The following MEF2B variants were observed in gnomAD, a reference collection of about 807,000 sequenced individuals.
MEF2B encodes the protein myocyte-specific enhancer factor 2B.
Under a neutral mutation model 32.2 loss-of-function variants are expected in MEF2B, and 15 were observed. The observed-to-expected ratio is 0.47, with a 90% CI of 0.31 to 0.72. The LOEUF (loss-of-function observed/expected upper bound fraction) is 0.72. MEF2B is among the 30% of genes least tolerant of loss of function. The pLI, the probability that MEF2B is intolerant of heterozygous loss-of-function variation, is 0.05. For synonymous variants in MEF2B, 205 were observed against 225.6 expected (o/e 0.91, Z 0.82); for missense variants, 441 against 511.5 (o/e 0.86, Z 1.33).
intron 1 of MEF2B, among the ~76,000 whole-genome samples, chr19:19,168,837 C>T (rs1187987820): frequency 6.6e-6 from 1 of 151,182 alleles, no homozygotes; most frequent in Non-Finnish European, 1.5e-5. Flanking sequence ...CTGAGGCAGG[C>T]AGATCACATG....
At chr19:19,154,687 G>A (rs1420882879) in intron 1 of MEF2B, among the ~76,000 whole-genome samples, 8 of 151,910 alleles carry the variant, frequency 5.3e-5, no homozygotes, top group East Asian at 3.9e-4. Context: ...CAAGGGATCC[G>A]CTGGCCTCAG....
At chr19:19,167,003 C>T (rs980661623) in intron 1 of MEF2B, among the ~76,000 whole-genome samples, 2 of 151,734 alleles carry the variant, frequency 1.3e-5, no homozygotes, top group Non-Finnish European at 2.9e-5. Flanking sequence ...CAGGAATTCA[C>T]GACCAGCCTG....
At chr19:19,156,092 G>A (rs1169211903) in intron 1 of MEF2B, among the ~76,000 whole-genome samples, 3 of 152,232 alleles carry the variant, frequency 2.0e-5, no homozygotes, top group African/African-American at 7.2e-5. Context: ...GGAATTTGAA[G>A]CTAAGAGTCC....
chr19:19,158,350 G>C (rs2060133943), intron 1 of MEF2B, among the ~76,000 whole-genome samples: 1 of 72,634 alleles, frequency 1.4e-5, no homozygotes, highest in African/African-American at 5.2e-5. Context: ...AGGGGCCAAA[G>C]TGCTGGGATT....
chr19:19,148,453 A>C (rs79450886), intron 3 of MEF2B, among the ~76,000 whole-genome samples: 8,224 of 152,252 alleles, frequency 0.054, 296 homozygotes, highest in African/African-American at 0.098. Context: ...CGACAAAGCA[A>C]GACTCATTCT....
chr19:19,154,225 G>A (rs757031632), intron 1 of MEF2B, among the ~76,000 whole-genome samples: 6 of 151,942 alleles, frequency 3.9e-5, no homozygotes, highest in South Asian at 2.1e-4. Context: ...GTGCAGTGGC[G>A]TGATCGCGGC....
intron 1 of MEF2B, among the ~76,000 whole-genome samples, chr19:19,163,446 G>A (rs574427448): frequency 1.3e-5 from 2 of 152,026 alleles, no homozygotes; most frequent in Admixed American, 6.6e-5. Context: ...CACCACGCCC[G>A]GCCAAATTCA....
chr19:19,162,864 C>G (rs183635254), intron 1 of MEF2B, among the ~76,000 whole-genome samples: 1 of 152,324 alleles, frequency 6.6e-6, no homozygotes, highest in African/African-American at 2.4e-5. Context: ...TTCTGAGCCT[C>G]GGTTTCCTGT....
At chr19:19,149,809 G>A (rs1004218802) in intron 2 of MEF2B, among the ~76,000 whole-genome samples, 2 of 152,086 alleles carry the variant, frequency 1.3e-5, no homozygotes, top group African/African-American at 4.8e-5. Flanking sequence ...GCCAGGTGCG[G>A]TGGCTCAGCC....
chr19:19,157,502 C>T (rs1227684182), intron 1 of MEF2B, among the ~76,000 whole-genome samples: 6 of 152,122 alleles, frequency 3.9e-5, no homozygotes, highest in Admixed American at 1.3e-4. Context: ...CAGACTCCAT[C>T]GAGAAGATGC....
intron 1 of MEF2B, among the ~76,000 whole-genome samples, chr19:19,159,586 G>C (rs1280956805): frequency 6.6e-6 from 1 of 152,174 alleles, no homozygotes; most frequent in African/African-American, 2.4e-5. Flanking sequence ...TGCAGGATGT[G>C]CTGGTGACCT....
chr19:19,152,055 G>C (rs924786482), intron 1 of MEF2B, among the ~76,000 whole-genome samples: 2 of 148,140 alleles, frequency 1.4e-5, no homozygotes, highest in African/African-American at 5.0e-5. Flanking sequence ...CCGCCTCCCA[G>C]GTTCAAGTGA....
At chr19:19,165,227 G>A (rs1039308876) in intron 1 of MEF2B, among the ~76,000 whole-genome samples, 7 of 152,122 alleles carry the variant, frequency 4.6e-5, no homozygotes, top group South Asian at 2.1e-4. Flanking sequence ...CTGGGAAGAC[G>A]GCCTTCAAGG....
chr19:19,147,452 A>T (rs2060036969), intron 4 of MEF2B, among the ~76,000 whole-genome samples: 2 of 68,770 alleles, frequency 2.9e-5, no homozygotes, highest in Non-Finnish European at 6.6e-5. Flanking sequence ...GGCTGCACAG[A>T]GTGTTTGATG....
chr19:19,160,698 C>T (rs754853091), intron 1 of MEF2B, among the ~76,000 whole-genome samples: 10 of 151,976 alleles, frequency 6.6e-5, no homozygotes, highest in Non-Finnish European at 7.4e-5. Flanking sequence ...GCCCCTGCAG[C>T]GAATCAGGCC....
rs765232670 is a variant in MEF2B at position 19,147,043 on chromosome 19, C to G, written c.534G>C (p.Gly178=). The G allele has an allele frequency of 2.5e-6, 4 of 1,601,018 alleles. No individual in the cohort carries two copies. The East Asian group carries it at 9.0e-5, about 36-fold the overall frequency. Residue 178 remains glycine (G), a synonymous_variant, in exon 5 of 9, where the codon GGG becomes GGC. Coordinates refer to ENST00000424583, the MANE Select transcript of MEF2B (RefSeq NM_001145785.2). ...CCACTGTCCCATGCTCACCTGGGGG[C>G]CCGGCTTTGGGGGCTGCTGGTCGGA... ...SPFRPAAPKA[G]PPGLVHPLFS...
rs779793426 is a variant in MEF2B, at chr19:19,147,216, C to CTGTTGAACTCTTATT, written c.394-34_394-33insAATAAGAGTTCAACA. 4.9e-4 allele frequency: 354 copies of CTGTTGAACTCTTATT among 718,534 alleles called. 3 individuals carry two copies. Among genetic ancestry groups the CTGTTGAACTCTTATT allele is most frequent in the Admixed American group, 1.5e-3 (27 of 18,110 alleles). 44.5% of individuals were successfully genotyped at this position (718,534 alleles called of 1,614,324 possible). On this transcript the variant is annotated intron_variant, in intron 4 of 8. Transcript: ENST00000424583. ...TAGAGAAGGGATGGGTCAGAGGACC[C>CTGTTGAACTCTTATT]CAGGCCAGATGGGGGTGCCAAGTCC...
At chr19:19,149,510 A>C in intron 2 of MEF2B, 81 bp from the exon 3 acceptor site, 1 of 1,561,332 alleles carries the variant, frequency 6.4e-7, no homozygotes, top group Non-Finnish European at 8.8e-7. Flanking sequence ...GGCAGGGCCT[A>C]ACCCTTCCTC....
At chr19:19,148,712 TTTATTTATTTA>T (rs2060048067) in intron 3 of MEF2B, among the ~76,000 whole-genome samples, 1 of 151,144 alleles carries the variant, frequency 6.6e-6, no homozygotes, top group African/African-American at 2.4e-5. Flanking sequence ...TATTTATTTA[TTTATTTATTTA>T]TTTTTTGAGA....
Sources: allele counts gnomAD v4.1 joint callset (sites outside exome capture counted in the v4.1 genomes callset), GRCh38; gene constraint gnomAD v4.1.1; transcripts MANE v1.5; gene names NCBI Gene and HGNC (gene_info 2026-07-23, HGNC 2026-07-21).